Variants in WDR93 observed in about 807,000 individuals in gnomAD.
WDR93 encodes the protein WD repeat-containing protein 93.
WDR93 carries 73 observed loss-of-function variants against 82.9 expected under a neutral mutation model. The ratio of observed to expected loss-of-function variants is 0.88; its 90% confidence interval spans 0.73 to 1.07. The LOEUF is 1.07. Among genes scored for constraint, WDR93 ranks in the 50% least tolerant of loss-of-function variants. WDR93 has a pLI of 0.00. For synonymous variants in WDR93, 283 were observed against 300.1 expected (o/e 0.94, Z 0.59); for missense variants, 738 against 826.0 (o/e 0.89, Z 1.31).
At chr15:89,702,232 G>C (rs895414078) in intron 2 of WDR93, among the ~76,000 whole-genome samples, 183 bp downstream of exon 2, 4 of 152,136 alleles carry the variant, frequency 2.6e-5, no homozygotes, top group African/African-American at 9.7e-5. Context: ...GGGAAATATG[G>C]GGTGTTCTGG....
At chr15:89,700,376 A>G (rs1287651181) in intron 1 of WDR93, among the ~76,000 whole-genome samples, 1 of 152,128 alleles carries the variant, frequency 6.6e-6, no homozygotes, top group Non-Finnish European at 1.5e-5. Flanking sequence ...CCAGCCGGTA[A>G]AAAAAGATGA....
At chr15:89,715,455 T>A (rs1966204013) in intron 6 of WDR93, among the ~76,000 whole-genome samples, 1 of 152,214 alleles carries the variant, frequency 6.6e-6, no homozygotes, top group Admixed American at 6.5e-5. Context: ...CATTAAATTT[T>A]TCCAGACTAT....
rs1335450934 is a variant in WDR93, at chr15:89,734,919, A to AACTT, written c.1545-568_1545-565dup. ...ATTATTTAGCTATGCATATTTAGGA[A>AACTT]ACTTACAAAGCAAACCATATTCTAT... is the stretch of plus-strand genomic sequence containing the variant. On this transcript the variant is annotated intron_variant, in intron 13 of 16. Transcript: ENST00000268130. 3.3e-5 allele frequency among the ~76,000 whole-genome samples: 5 copies of AACTT among 152,312 alleles called. No homozygotes were observed. The East Asian group carries it at 9.7e-4, about 29-fold the overall frequency.
At chr15:89,704,170 C>CA (rs57077770) in intron 3 of WDR93, 40,271 of 130,332 alleles carry the variant, frequency 0.31, 6,924 homozygotes, top group East Asian at 0.58. Flanking sequence ...ACGAAAAATA[C>CA]AAAAAAAAAA....
At chr15:89,733,362 C>A in intron 13 of WDR93, 143 bp downstream of exon 13, 1 of 752,990 alleles carries the variant, frequency 1.3e-6, no homozygotes, top group South Asian at 1.9e-5. Context: ...TGAAGATCAC[C>A]AATGTCACAT....
intron 11 of WDR93, among the ~76,000 whole-genome samples, 179 bp from the exon 12 acceptor site, chr15:89,731,261 TATC>T (rs1966856059): frequency 6.6e-6 from 1 of 152,228 alleles, no homozygotes; most frequent in Non-Finnish European, 1.5e-5. Flanking sequence ...GACATTATCT[TATC>T]ATCCTAGGCA....
intron 8 of WDR93, among the ~76,000 whole-genome samples, chr15:89,725,421 A>G (rs568693693): frequency 6.6e-6 from 1 of 152,192 alleles, no homozygotes; most frequent in Non-Finnish European, 1.5e-5. Context: ...AGGTGATAAA[A>G]GCATAAATAA....
At position 89,727,367 on chromosome 15, in the gene WDR93, C is replaced by T. The variant is rs749841440; in HGVS notation, c.1052+39C>T. The T allele has an allele frequency of 3.1e-6, 5 of 1,602,880 alleles. No individual in the cohort carries two copies. The Admixed American group carries it at 8.5e-5, about 27-fold the overall frequency. On this transcript the variant is annotated intron_variant, in intron 9 of 16. Coordinates refer to ENST00000268130, the MANE Select transcript of WDR93 (RefSeq NM_020212.2). Reference sequence around the variant, plus strand: ...TCCCGGGAAAGCCAGGGAGCATCCCCAGGCTTCTGCTGTCTTGGCACATGC... The same window carrying T: ...TCCCGGGAAAGCCAGGGAGCATCCCTAGGCTTCTGCTGTCTTGGCACATGC...
intron 8 of WDR93, among the ~76,000 whole-genome samples, chr15:89,723,020 C>T (rs1309793554): frequency 6.6e-6 from 1 of 151,686 alleles, no homozygotes; most frequent in African/African-American, 2.4e-5. Flanking sequence ...GCTTGGGGAA[C>T]ATGGCAAAAC....
chr15:89,694,961 G>T (rs1965093060), intron 1 of WDR93, among the ~76,000 whole-genome samples: 1 of 152,082 alleles, frequency 6.6e-6, no homozygotes, highest in Admixed American at 6.5e-5. Context: ...AATTGTCTTT[G>T]TGCTTGTGTC....
Position 89,727,188 on chromosome 15 carries a change from T to G in WDR93, c.912T>G (p.Phe304Leu). The change falls in exon 9 of 17, where the codon TTT becomes TTG. Residue 304 changes from phenylalanine to leucine, a missense_variant. Phe to Leu is a conservative substitution (Grantham distance 22, BLOSUM62 0). Transcript: ENST00000268130. ...GTTFKSPLEV[F>L]AKIKDCYGLG... ...CATTCAAAAGCCCCCTGGAAGTCTTTGCAAAGATCAAGGACTGCTACGGAC... is the reference window on the plus strand; with the variant it reads ...CATTCAAAAGCCCCCTGGAAGTCTTGGCAAAGATCAAGGACTGCTACGGAC... 1 of 1,614,002 alleles carries G rather than the reference T, an allele frequency of 6.2e-7. No individual in the cohort carries two copies. Among genetic ancestry groups the G allele is most frequent in the East Asian group, 2.2e-5 (1 of 44,894 alleles).
chr15:89,722,116 T>C lies in WDR93; in HGVS notation c.857T>C (p.Ile286Thr). The C allele has an allele frequency of 6.2e-7, 1 of 1,608,160 alleles. No individual in the cohort carries two copies. ...AGTCTTCCAGTTTACATAATGAAGA[T>C]CAAACCACCTAAGCCTGTTACAGGT... ...KLSLPVYIMK[I>T]KPPKPVTGTT... is the part of the protein sequence containing the mutation. Residue 286 changes from isoleucine (I) to threonine (T), a missense_variant, in exon 8 of 17, where the codon ATC becomes ACC. Ile to Thr is a moderately conservative substitution (Grantham distance 89). Coordinates refer to ENST00000268130, the MANE Select transcript of WDR93 (RefSeq NM_020212.2).
At chr15:89,702,178 T>G in intron 2 of WDR93, 129 bp downstream of exon 2, 1 of 1,060,854 alleles carries the variant, frequency 9.4e-7, no homozygotes, top group Non-Finnish European at 1.3e-6. Flanking sequence ...TTTGAAAGAT[T>G]AGAAGCATGC....
intron 16 of WDR93, among the ~76,000 whole-genome samples, chr15:89,741,753 C>G (rs573964676): frequency 1.3e-5 from 2 of 151,706 alleles, no homozygotes; most frequent in Admixed American, 1.3e-4. Context: ...AAACCTATCT[C>G]CAATACTTTT....
intron 9 of WDR93, among the ~76,000 whole-genome samples, chr15:89,727,611 A>C (rs1157464640): frequency 6.6e-6 from 1 of 152,198 alleles, no homozygotes; most frequent in East Asian, 1.9e-4. Context: ...GAACATCAGC[A>C]GATATTTTGA....
At chr15:89,717,976 C>T (rs1352317605) in intron 7 of WDR93, among the ~76,000 whole-genome samples, 8 of 152,152 alleles carry the variant, frequency 5.3e-5, no homozygotes, top group Non-Finnish European at 8.8e-5. Context: ...AGGACTCAGG[C>T]GTGTCAGTAG....
chr15:89,699,799 A>C (rs1397046786), intron 1 of WDR93, among the ~76,000 whole-genome samples: 1 of 152,192 alleles, frequency 6.6e-6, no homozygotes, highest in East Asian at 1.9e-4. Flanking sequence ...CTAAAAGCTC[A>C]ATATGGATTT....
rs1967364902 is a variant in WDR93 at position 89,738,193 on chromosome 15, G to A, written c.1918G>A (p.Ala640Thr). Residue 640 changes from alanine (A) to threonine (T), a missense_variant, in exon 16 of 17, where the codon GCA becomes ACA. Coordinates refer to ENST00000268130, the MANE Select transcript of WDR93 (RefSeq NM_020212.2). Reference sequence around the variant, plus strand: ...CTTGGATAACATGGCCTTCCCCCAAGCACTGCCACTGGAGAAGAGATGTGA... The same window carrying A: ...CTTGGATAACATGGCCTTCCCCCAAACACTGCCACTGGAGAAGAGATGTGA... ...RDLDNMAFPQ[A>T]LPLEKRCERF... is the part of the protein sequence containing the mutation. 1 of 1,613,718 alleles carries A rather than the reference G, an allele frequency of 6.2e-7. No individual in the cohort carries two copies. The highest frequency in any genetic ancestry group is 1.7e-5 in the Admixed American group (1 of 59,932).
At chr15:89,709,167 A>G (rs2028297) in intron 4 of WDR93, among the ~76,000 whole-genome samples, 65,499 of 152,016 alleles carry the variant, frequency 0.43, 14,494 homozygotes, top group African/African-American at 0.47. Flanking sequence ...ATGAAGAGGA[A>G]AAGGAAAATC....
Sources: gnomAD v4.1 joint callset for allele counts (sites outside exome capture counted in the v4.1 genomes callset) on GRCh38, gnomAD v4.1.1 for gene constraint, MANE v1.5 for transcripts, NCBI Gene and HGNC (gene_info 2026-07-23, HGNC 2026-07-21) for gene names.